Variants in CTNNBIP1 observed in about 807,000 individuals in gnomAD.
The protein encoded by CTNNBIP1 is catenin beta interacting protein 1.
In CTNNBIP1, 7 loss-of-function variants were observed where a neutral mutation model predicts 11.8. The observed-to-expected ratio is 0.60, with a 90% confidence interval of 0.34 to 1.12. The LOEUF (loss-of-function observed/expected upper bound fraction) is 1.12. Among genes scored for constraint, CTNNBIP1 ranks in the 50% most tolerant of loss-of-function variants. CTNNBIP1 has a pLI of 0.03. For missense variants in CTNNBIP1, 101 were observed against 113.4 expected (o/e 0.89, Z 0.50); for synonymous variants, 58 against 43.9 (o/e 1.32, Z -1.26).
rs950235963 is a variant in CTNNBIP1, at chr1:9,883,915, C to T, written c.-143-177G>A. ...GGGGGAGCTCAGGGGAGGTCACCAC[C>T]CAAACAGTCAAGGAGGAAGAAGGTG... is the stretch of plus-strand genomic sequence containing the variant. On this transcript the variant is annotated intron_variant, in intron 1 of 5. Transcript: ENST00000377263. The surrounding 1 kb of genome is among the most constrained non-coding windows in gnomAD (Gnocchi z 5.6). 6.6e-6 allele frequency among the ~76,000 whole-genome samples: 1 copy of T among 152,098 alleles called. No homozygotes were observed. The highest frequency in any genetic ancestry group is 2.4e-5 in the African/African-American group (1 of 41,410).
chr1:9,892,883 C>G (rs1468797615), intron 1 of CTNNBIP1: 1 of 152,280 alleles, frequency 6.6e-6, no homozygotes, highest in South Asian at 2.1e-4. Context: ...AAACCTCCCC[C>G]TAAGAGGCTG....
At chr1:9,859,209 C>T (rs1638571354) in intron 5 of CTNNBIP1, among the ~76,000 whole-genome samples, 1 of 152,332 alleles carries the variant, frequency 6.6e-6, no homozygotes, top group African/African-American at 2.4e-5. Flanking sequence ...GCTCACCTGC[C>T]CTGGAAACCA....
intron 1 of CTNNBIP1, among the ~76,000 whole-genome samples, chr1:9,900,876 G>A (rs1639508226): frequency 1.3e-5 from 2 of 152,168 alleles, no homozygotes; most frequent in Non-Finnish European, 1.5e-5. Flanking sequence ...TAACACACAC[G>A]GAGGGAGAAG....
intron 2 of CTNNBIP1, among the ~76,000 whole-genome samples, chr1:9,880,124 C>T (rs1395188413): frequency 6.6e-6 from 1 of 151,954 alleles, no homozygotes; most frequent in Non-Finnish European, 1.5e-5. Context: ...GCTCTCCCTC[C>T]CCTTGCCCCC....
At chr1:9,865,671 C>T (rs114924924) in intron 5 of CTNNBIP1, among the ~76,000 whole-genome samples, 2,581 of 152,210 alleles carry the variant, frequency 0.017, 29 homozygotes, top group Non-Finnish European at 0.027. Context: ...ATGGTCCCAG[C>T]CTTGTGCTAC....
chr1:9,888,564 T>A (rs1639234172), intron 1 of CTNNBIP1, among the ~76,000 whole-genome samples: 1 of 150,108 alleles, frequency 6.7e-6, no homozygotes, highest in Non-Finnish European at 1.5e-5. Flanking sequence ...AAAAAAAAAA[T>A]TAAGAAATGG....
intron 1 of CTNNBIP1, among the ~76,000 whole-genome samples, chr1:9,890,113 C>T (rs1000885924): frequency 6.6e-6 from 1 of 152,182 alleles, no homozygotes; most frequent in Non-Finnish European, 1.5e-5. Context: ...AAATATTTAT[C>T]CTTGTGATTC....
rs1202681394 is a variant in CTNNBIP1 at position 9,871,287 on chromosome 1, G to C, written c.97-10C>G. 1.9e-6 allele frequency: 3 copies of C among 1,557,080 alleles called. No homozygotes were observed. Among genetic ancestry groups the C allele is most frequent in the Non-Finnish European group, 2.6e-6 (3 of 1,149,742 alleles). ...CCTCGCTGGCTGTCAGCTGCAGGGTGAGAGAGCTGTGGTGAGGGGCAGCAT... is the reference window on the plus strand; with the variant it reads ...CCTCGCTGGCTGTCAGCTGCAGGGTCAGAGAGCTGTGGTGAGGGGCAGCAT... On this transcript the variant is annotated splice_polypyrimidine_tract_variant and intron_variant, in intron 4 of 5. Coordinates refer to ENST00000377263, the MANE Select transcript of CTNNBIP1 (RefSeq NM_020248.3). The surrounding 1 kb of genome is among the most constrained non-coding windows in gnomAD (Gnocchi z 5.2).
chr1:9,866,913 AG>A (rs2101468787), intron 5 of CTNNBIP1, among the ~76,000 whole-genome samples: 1 of 152,246 alleles, frequency 6.6e-6, no homozygotes, highest in East Asian at 1.9e-4. Flanking sequence ...GGATGGACTC[AG>A]TAACCCATTA....
chr1:9,862,245 C>A (rs1322849412), intron 5 of CTNNBIP1, among the ~76,000 whole-genome samples: 1 of 151,782 alleles, frequency 6.6e-6, no homozygotes, highest in African/African-American at 2.4e-5. Context: ...TTTTCTTTTT[C>A]TTTTATATAC....
rs372414829 is a variant in CTNNBIP1 at position 9,850,759 on chromosome 1, T to A, written c.205A>T (p.Met69Leu). ...TCCGTCTCCGACCTGGAAAACGCCA[T>A]CACCACGTCCTCTGCACCTGCAGAT... ...SIDQGAEDVV[M>L]AFSRSETEDR... Residue 69 changes from methionine (M) to leucine (L), a missense_variant, in exon 6 of 6, where the codon ATG (methionine) becomes TTG (leucine). Physicochemically the swap from Met to Leu is conservative, Grantham distance 15. Transcript: ENST00000377263. 3.1e-6 allele frequency: 5 copies of A among 1,613,882 alleles called. No individual in the cohort carries two copies. Among genetic ancestry groups the A allele is most frequent in the Non-Finnish European group, 4.2e-6 (5 of 1,179,872 alleles).
chr1:9,882,085 G>T (rs980415897), intron 2 of CTNNBIP1, among the ~76,000 whole-genome samples: 7 of 152,222 alleles, frequency 4.6e-5, no homozygotes, highest in Admixed American at 4.6e-4. Flanking sequence ...AGCATAGGAA[G>T]TGGCAGAGCA....
intron 1 of CTNNBIP1, among the ~76,000 whole-genome samples, chr1:9,908,970 A>G (rs956718026): frequency 2.6e-5 from 4 of 152,244 alleles, no homozygotes; most frequent in Non-Finnish European, 5.9e-5. Flanking sequence ...TTGGCATTTA[A>G]CAGCCCGCAC....
chr1:9,894,217 C>T (rs559151057), intron 1 of CTNNBIP1, among the ~76,000 whole-genome samples: 57 of 152,308 alleles, frequency 3.7e-4, no homozygotes, highest in African/African-American at 1.3e-3. Flanking sequence ...TCAAGGTACA[C>T]GCACACTGCT....
intron 5 of CTNNBIP1, among the ~76,000 whole-genome samples, chr1:9,852,864 G>A (rs1205382615): frequency 1.3e-5 from 2 of 152,232 alleles, no homozygotes; most frequent in Non-Finnish European, 2.9e-5. Context: ...TGCCCCAGGA[G>A]GGAATGGTGC....
At chr1:9,875,010 G>A (rs758001301) in intron 3 of CTNNBIP1, among the ~76,000 whole-genome samples, 2 of 152,144 alleles carry the variant, frequency 1.3e-5, no homozygotes, top group Non-Finnish European at 2.9e-5. Context: ...GCTCTCTCCT[G>A]GTGAGAGACA....
rs1220394 is a variant in CTNNBIP1 at position 9,849,448 on chromosome 1, G to A, written c.*1270C>T. 27,248 of 152,282 alleles carry A rather than the reference G, an allele frequency of 0.18. 2,575 individuals are homozygous for A. The highest frequency in any genetic ancestry group is 0.23 in the African/African-American group (9,388 of 41,510). 9.4% of individuals were successfully genotyped at this position (152,282 alleles called of 1,614,324 possible). A position where few individuals can be genotyped will look rare whatever the true frequency, so the allele number is the denominator to read the frequency against. Reference sequence around the variant, plus strand: ...CGATGAGAGAACTCCAGAGCTGGCCGGGACCTACTGTGCTGGCAGCAGACA... The same window carrying A: ...CGATGAGAGAACTCCAGAGCTGGCCAGGACCTACTGTGCTGGCAGCAGACA... On this transcript the variant is annotated 3_prime_UTR_variant, in exon 6 of 6. Transcript: ENST00000377263.
chr1:9,882,560 G>C (rs1362499887), intron 2 of CTNNBIP1, among the ~76,000 whole-genome samples: 2 of 152,204 alleles, frequency 1.3e-5, no homozygotes, highest in Non-Finnish European at 2.9e-5. Context: ...CTCAGTGGGA[G>C]GGGAAGAGGT....
At chr1:9,863,364 C>A (rs1638672363) in intron 5 of CTNNBIP1, among the ~76,000 whole-genome samples, 1 of 152,216 alleles carries the variant, frequency 6.6e-6, no homozygotes, top group African/African-American at 2.4e-5. Context: ...ATCTCATAGA[C>A]TAGAATTCTC....
Sources: allele counts gnomAD v4.1 joint callset (sites outside exome capture counted in the v4.1 genomes callset), GRCh38; gene constraint gnomAD v4.1.1; non-coding constraint Gnocchi (gnomAD v3.1); transcripts MANE v1.5; gene names NCBI Gene and HGNC (gene_info 2026-07-23, HGNC 2026-07-21).